ATP2B1: variants seen among roughly 807,000 people sequenced by gnomAD.
The protein encoded by ATP2B1 is ATPase plasma membrane Ca2+ transporting 1, also known as plasma membrane calcium-transporting ATPase 1.
ATP2B1 carries 14 observed loss-of-function variants against 124.2 expected under a neutral mutation model. That is an observed-to-expected ratio of 0.11 (90% CI 0.07 to 0.18). ATP2B1 has a LOEUF of 0.18. Ranked by LOEUF, ATP2B1 falls within the 10% of genes least tolerant of loss-of-function variation. The pLI is 1.00. For synonymous variants in ATP2B1, 449 were observed against 492.4 expected, an observed-to-expected ratio of 0.91 and a Z score of 1.17; for missense variants, 763 against 1,466.1, an observed-to-expected ratio of 0.52 and a Z score of 7.83.
chr12:89,678,060 T>C (rs2136603829), intron 1 of ATP2B1, among the ~76,000 whole-genome samples: 1 of 143,280 alleles, frequency 7.0e-6, no homozygotes, highest in East Asian at 2.0e-4. Flanking sequence ...AATCCAAGGG[T>C]TTCAGTTCAC....
At chr12:89,630,244 C>G (rs1287708234) in intron 6 of ATP2B1, among the ~76,000 whole-genome samples, 2 of 152,120 alleles carry the variant, frequency 1.3e-5, no homozygotes, top group African/African-American at 2.4e-5. Context: ...TTTTGCTGAT[C>G]AGATGATGGG....
At chr12:89,652,030 C>G (rs1197229923) in intron 2 of ATP2B1, among the ~76,000 whole-genome samples, 1 of 152,124 alleles carries the variant, frequency 6.6e-6, no homozygotes, top group East Asian at 1.9e-4. Context: ...GACAGAAATC[C>G]AATATCGACA....
chr12:89,676,838 A>G (rs1380617797), intron 1 of ATP2B1, among the ~76,000 whole-genome samples: 1 of 152,198 alleles, frequency 6.6e-6, no homozygotes, highest in Non-Finnish European at 1.5e-5. Context: ...TCATTGTTAA[A>G]AGAATAATTC....
chr12:89,619,761 T>C (rs1226778206), intron 11 of ATP2B1, among the ~76,000 whole-genome samples: 1 of 152,030 alleles, frequency 6.6e-6, no homozygotes, highest in East Asian at 1.9e-4. Flanking sequence ...ACATACCAGA[T>C]TGAATGTAAT....
At chr12:89,630,929 T>C (rs1881769438) in intron 5 of ATP2B1, among the ~76,000 whole-genome samples, 1 of 151,712 alleles carries the variant, frequency 6.6e-6, no homozygotes, top group Non-Finnish European at 1.5e-5. Flanking sequence ...CACTACACTC[T>C]GCTAATTTTT....
chr12:89,605,413 A>C (rs1173265246), intron 15 of ATP2B1, among the ~76,000 whole-genome samples: 2 of 152,072 alleles, frequency 1.3e-5, no homozygotes, highest in African/African-American at 4.8e-5. Flanking sequence ...CATTATCAAG[A>C]GTGACATCAT....
In ATP2B1 at chr12:89,603,019, A is replaced by G; in HGVS notation, c.3060+24T>C. The G allele has an allele frequency of 6.2e-7, 1 of 1,605,038 alleles. No individual in the cohort carries two copies. On this transcript the variant is annotated intron_variant, in intron 18 of 20. Transcript: ENST00000428670. The surrounding 1 kb of genome is among the most constrained non-coding windows in gnomAD (Gnocchi z 4.3). Reference sequence around the variant, plus strand: ...GTCTCCCATTTAACAGGCAAATTTGAAACTATCTTTTCCAATTACCCACCT... The same window carrying G: ...GTCTCCCATTTAACAGGCAAATTTGGAACTATCTTTTCCAATTACCCACCT...
intron 1 of ATP2B1, among the ~76,000 whole-genome samples, chr12:89,694,530 C>T (rs936650866): frequency 2.0e-5 from 3 of 152,130 alleles, no homozygotes; most frequent in African/African-American, 4.8e-5. Flanking sequence ...TCCCTCCACT[C>T]GGAAATAAGG....
chr12:89,624,690 A>G (rs527878507), intron 8 of ATP2B1, among the ~76,000 whole-genome samples: 1 of 152,344 alleles, frequency 6.6e-6, no homozygotes, highest in South Asian at 2.1e-4. Flanking sequence ...ATACGCAATG[A>G]TAAGGAAGTA....
At chr12:89,633,469 C>T (rs1882212872) in intron 5 of ATP2B1, among the ~76,000 whole-genome samples, 2 of 109,362 alleles carry the variant, frequency 1.8e-5, no homozygotes, top group South Asian at 3.5e-4. Flanking sequence ...TGAAGGTATA[C>T]ACATCTCAAG....
chr12:89,630,666 T>C (rs367765734), intron 5 of ATP2B1, 21 bp from the exon 6 acceptor site: 28 of 1,437,032 alleles, frequency 1.9e-5, no homozygotes, highest in Non-Finnish European at 2.4e-5. Context: ...AAACATAGTT[T>C]GTTTTTAAAA....
At chr12:89,618,710 C>A (rs752170781) in intron 11 of ATP2B1, among the ~76,000 whole-genome samples, 1 of 152,286 alleles carries the variant, frequency 6.6e-6, no homozygotes, top group Middle Eastern at 3.4e-3. Flanking sequence ...TTCCCCACCT[C>A]GAAGTTCTCA....
At chr12:89,612,102 T>C (rs1878123223) in intron 12 of ATP2B1, 1 of 152,248 alleles carries the variant, frequency 6.6e-6, no homozygotes, top group Non-Finnish European at 1.5e-5. Flanking sequence ...CCCAACCTAC[T>C]GCAATGGCTT....
chr12:89,630,462 G>T, intron 6 of ATP2B1, 43 bp downstream of exon 6: 1 of 1,414,632 alleles, frequency 7.1e-7, no homozygotes, highest in Middle Eastern at 1.9e-4. Context: ...CAAATTATTT[G>T]CCCTATTTCC....
chr12:89,686,129 C>T (rs548973832), intron 1 of ATP2B1, among the ~76,000 whole-genome samples: 13 of 152,168 alleles, frequency 8.5e-5, no homozygotes, highest in African/African-American at 2.9e-4. Context: ...AATGAAAACA[C>T]TACCATTTTT....
At chr12:89,677,169 T>C (rs1888715554) in intron 1 of ATP2B1, among the ~76,000 whole-genome samples, 1 of 152,182 alleles carries the variant, frequency 6.6e-6, no homozygotes, top group South Asian at 2.1e-4. Flanking sequence ...CCTTTGTCAC[T>C]GCCAAATGAT....
At chr12:89,627,810 G>T in intron 6 of ATP2B1, 94 bp from the exon 7 acceptor site, 1 of 1,312,842 alleles carries the variant, frequency 7.6e-7, no homozygotes, top group Non-Finnish European at 1.1e-6. Flanking sequence ...TATAACAGTT[G>T]TTACACAATG....
chr12:89,695,940 G>A (rs1315469595), intron 1 of ATP2B1, among the ~76,000 whole-genome samples: 1 of 152,098 alleles, frequency 6.6e-6, no homozygotes, highest in Non-Finnish European at 1.5e-5. Context: ...CTCACCCCAA[G>A]CACACTACAG....
chr12:89,648,515 C>A (rs1249660115), intron 2 of ATP2B1, among the ~76,000 whole-genome samples: 3 of 152,182 alleles, frequency 2.0e-5, no homozygotes, highest in Non-Finnish European at 4.4e-5. Flanking sequence ...ATGGCTGATT[C>A]AACAGCCTAC....
Sources: gnomAD v4.1 joint callset for allele counts (sites outside exome capture counted in the v4.1 genomes callset) on GRCh38, gnomAD v4.1.1 for gene constraint, Gnocchi (gnomAD v3.1) non-coding constraint, MANE v1.5 for transcripts, NCBI Gene and HGNC (gene_info 2026-07-23, HGNC 2026-07-21) for gene names.